GLE1: variants seen among roughly 807,000 people sequenced by gnomAD.
The protein encoded by GLE1 is mRNA export factor GLE1.
In GLE1, 78 loss-of-function variants were observed where a neutral mutation model predicts 97.3. The observed-to-expected ratio is 0.80, with a 90% CI of 0.67 to 0.97. The LOEUF is 0.97. GLE1 is among the 50% of genes least tolerant of loss of function. The pLI is 0.00. For synonymous variants in GLE1, 302 were observed against 313.4 expected (o/e 0.96, Z 0.39); for missense variants, 753 against 857.5 (o/e 0.88, Z 1.52).
chr9:128,518,525 T>A (rs1847049482), intron 3 of GLE1, among the ~76,000 whole-genome samples: 1 of 151,688 alleles, frequency 6.6e-6, no homozygotes. Context: ...CGCACCACTG[T>A]ACTCCAGCCT....
chr9:128,524,362 G>C (rs1847242325), intron 6 of GLE1, among the ~76,000 whole-genome samples: 1 of 151,668 alleles, frequency 6.6e-6, no homozygotes, highest in South Asian at 2.1e-4. Context: ...TTACAGGTGT[G>C]AGCCACGGTG....
At chr9:128,523,977 T>C (rs1847228266) in intron 6 of GLE1, 131 bp downstream of exon 6, 2 of 791,898 alleles carry the variant, frequency 2.5e-6, no homozygotes, top group Non-Finnish European at 2.1e-6. Flanking sequence ...TTACTTGTTA[T>C]CTCCATATCT....
At chr9:128,520,416 A>ATG in intron 3 of GLE1, among the ~76,000 whole-genome samples, 1 of 148,004 alleles carries the variant, frequency 6.8e-6, no homozygotes. Context: ...ATATGTATAT[A>ATG]TATGTATATA....
chr9:128,528,420 C>T (rs927389276), intron 9 of GLE1, among the ~76,000 whole-genome samples: 27 of 151,980 alleles, frequency 1.8e-4, no homozygotes, highest in African/African-American at 6.0e-4. Context: ...TCTCCTGCCT[C>T]AGCCTCCCAA....
intron 2 of GLE1, among the ~76,000 whole-genome samples, chr9:128,514,115 C>G (rs1325619355): frequency 6.6e-6 from 1 of 151,514 alleles, no homozygotes; most frequent in East Asian, 1.9e-4. Flanking sequence ...AGGTAGGAGG[C>G]TTGCCTGAGA....
intron 9 of GLE1, among the ~76,000 whole-genome samples, chr9:128,531,214 C>CAAA (rs34976261): frequency 2.4e-5 from 1 of 40,846 alleles, no homozygotes; most frequent in Admixed American, 2.7e-4. Context: ...AACTCCATCT[C>CAAA]AAAAAAAAAA....
At chr9:128,532,766 T>C in intron 9 of GLE1, 1 of 493,264 alleles carries the variant, frequency 2.0e-6, no homozygotes, top group Non-Finnish European at 2.6e-6. Context: ...CTTAGTTGAC[T>C]GACTGGCTCA....
chr9:128,505,047 C>T, intron 1 of GLE1, 143 bp downstream of exon 1: 1 of 676,154 alleles, frequency 1.5e-6, no homozygotes, highest in African/African-American at 1.8e-5. Context: ...GTGTACATCC[C>T]TCTGTCCTGG....
intron 14 of GLE1, chr9:128,539,915 C>T: frequency 2.2e-6 from 3 of 1,387,908 alleles, no homozygotes; most frequent in Non-Finnish European, 1.9e-6. Context: ...CAAACAAAAA[C>T]ACAAATTAGG....
intron 11 of GLE1, among the ~76,000 whole-genome samples, chr9:128,535,556 C>T (rs1026945474): frequency 2.7e-5 from 4 of 148,204 alleles, no homozygotes; most frequent in Non-Finnish European, 5.9e-5. Context: ...CGCGGTGGCT[C>T]ACATTTGTAA....
intron 3 of GLE1, among the ~76,000 whole-genome samples, chr9:128,516,667 C>T (rs886865559): frequency 6.7e-6 from 1 of 150,360 alleles, no homozygotes; most frequent in Non-Finnish European, 1.5e-5. Flanking sequence ...GTTGTCAGCC[C>T]GGGCTGGAGT....
intron 14 of GLE1, 144 bp from the exon 15 acceptor site, chr9:128,540,131 G>T: frequency 1.4e-6 from 1 of 709,462 alleles, no homozygotes; most frequent in Non-Finnish European, 2.6e-6. Context: ...CAGGAGGATC[G>T]CTTGAGCCCA....
In GLE1 at chr9:128,541,090, T is replaced by G. The variant is rs377383723; in HGVS notation, c.2029-12T>G. 11 of 1,490,530 alleles carry G rather than the reference T, an allele frequency of 7.4e-6. No individual in the cohort carries two copies. In the African/African-American group the frequency reaches 1.4e-4, roughly 19 times the overall value. The allele number at this position is 1,490,530 out of a possible 1,614,324, so 92.3% of individuals were successfully genotyped here. A position where few individuals can be genotyped will look rare whatever the true frequency, so the allele number is the denominator to read the frequency against. On this transcript the variant is annotated splice_polypyrimidine_tract_variant and intron_variant, in intron 15 of 15. Transcript: ENST00000309971. The stretch of plus-strand genomic sequence containing the variant: ...GAAACTCATTCTGTTTTCTTCATCT[T>G]TCCCTGACCAGAAATGTTTGCAACA...
intron 6 of GLE1, among the ~76,000 whole-genome samples, 154 bp downstream of exon 6, chr9:128,524,000 G>A (rs1342201951): frequency 1.3e-5 from 2 of 151,238 alleles, no homozygotes; most frequent in African/African-American, 4.9e-5. Flanking sequence ...TTACCTAGAA[G>A]TAACCACTGT....
rs887955972 is a variant in GLE1 at position 128,530,531 on chromosome 9, T to A, written c.1313-2982T>A. 2.0e-5 allele frequency among the ~76,000 whole-genome samples: 3 copies of A among 152,218 alleles called. No homozygotes were observed. In the East Asian group the frequency reaches 5.8e-4, roughly 29 times the overall value. On this transcript the variant is annotated intron_variant, in intron 9 of 15. Coordinates refer to ENST00000309971, the MANE Select transcript of GLE1 (RefSeq NM_001003722.2). ...CTTTAAGTCCTTTAAGATCTTGTAG[T>A]CCAGCCAGACACAGAACATGCTCTA...
At chr9:128,525,576 A>G (rs1283876238) in intron 7 of GLE1, among the ~76,000 whole-genome samples, 153 bp downstream of exon 7, 1 of 152,222 alleles carries the variant, frequency 6.6e-6, no homozygotes, top group African/African-American at 2.4e-5. Context: ...GTAGAGTCTG[A>G]TTTACGATTC....
At chr9:128,517,419 A>G (rs888861075) in intron 3 of GLE1, among the ~76,000 whole-genome samples, 3 of 152,258 alleles carry the variant, frequency 2.0e-5, no homozygotes, top group Admixed American at 6.5e-5. Flanking sequence ...AGTAAACATT[A>G]TAGACATAGA....
At chr9:128,528,088 C>T (rs1328283347) in intron 9 of GLE1, among the ~76,000 whole-genome samples, 2 of 149,484 alleles carry the variant, frequency 1.3e-5, no homozygotes, top group East Asian at 4.0e-4. Flanking sequence ...CAAGCTCCGC[C>T]TACCGGCTTC....
At chr9:128,529,174 AAG>A (rs1414849669) in intron 9 of GLE1, among the ~76,000 whole-genome samples, 1 of 152,228 alleles carries the variant, frequency 6.6e-6, no homozygotes, top group Non-Finnish European at 1.5e-5. Flanking sequence ...ACAGCAAAGC[AAG>A]AGAGGTTGAC....
Sources: gnomAD v4.1 joint callset for allele counts (sites outside exome capture counted in the v4.1 genomes callset) on GRCh38, gnomAD v4.1.1 for gene constraint, MANE v1.5 for transcripts, NCBI Gene and HGNC (gene_info 2026-07-23, HGNC 2026-07-21) for gene names.